The following RELN variants were observed in gnomAD, a reference collection of about 807,000 sequenced individuals.
The protein encoded by RELN is reelin.
In RELN, 108 loss-of-function variants were observed where a neutral mutation model predicts 427.6. The ratio of observed to expected loss-of-function variants is 0.25; its 90% CI spans 0.22 to 0.30. The LOEUF (loss-of-function observed/expected upper bound fraction) is 0.30. Among genes scored for constraint, RELN ranks in the 10% least tolerant of loss-of-function variants. The probability of loss-of-function intolerance (pLI) is 1.00; values close to 1 mark genes in which losing one functional copy is unlikely to be tolerated. For synonymous variants in RELN, 1,524 were observed against 1,513.4 expected, an observed-to-expected ratio of 1.01 and a Z score of -0.16; for missense variants, 3,715 against 4,302.8, an observed-to-expected ratio of 0.86 and a Z score of 3.82.
chr7:103,648,979 A>G (rs1039984792), intron 16 of RELN, among the ~76,000 whole-genome samples: 3 of 152,022 alleles, frequency 2.0e-5, no homozygotes, highest in Non-Finnish European at 4.4e-5. Flanking sequence ...ACTCTTAGAC[A>G]CTTTTGGTGG....
At chr7:103,567,136 T>C (rs972748852) in intron 31 of RELN, among the ~76,000 whole-genome samples, 1 of 152,222 alleles carries the variant, frequency 6.6e-6, no homozygotes, top group Non-Finnish European at 1.5e-5. Flanking sequence ...TCAATCTCCC[T>C]GGCAAAAAAT....
At chr7:103,509,548 A>G (rs915338391) in intron 51 of RELN, among the ~76,000 whole-genome samples, 9 of 152,196 alleles carry the variant, frequency 5.9e-5, no homozygotes, top group African/African-American at 2.2e-4. Flanking sequence ...AAACCATAAA[A>G]ACCCTAAAAG....
At chr7:103,743,886 T>C (rs1423227671) in intron 6 of RELN, among the ~76,000 whole-genome samples, 7 of 152,254 alleles carry the variant, frequency 4.6e-5, no homozygotes, top group African/African-American at 1.4e-4. Flanking sequence ...TACCCAGGAA[T>C]TGAATTCAGC....
chr7:103,710,231 T>A (rs771434257), intron 8 of RELN, among the ~76,000 whole-genome samples: 3 of 152,224 alleles, frequency 2.0e-5, no homozygotes, highest in Non-Finnish European at 2.9e-5. Context: ...TTGGTTAAGA[T>A]CCTGTCTCCA....
At chr7:103,890,302 C>T (rs1395478983) in intron 2 of RELN, among the ~76,000 whole-genome samples, 1 of 151,652 alleles carries the variant, frequency 6.6e-6, no homozygotes, top group Non-Finnish European at 1.5e-5. Flanking sequence ...AGAAGATTGT[C>T]ATTGGGATTC....
rs771201055 is a variant in RELN at position 103,635,437 on chromosome 7, T to C, written c.2453A>G (p.Tyr818Cys). The C allele has an allele frequency of 1.5e-5, 24 of 1,613,858 alleles. No individual in the cohort carries two copies. The highest frequency in any genetic ancestry group is 6.7e-5 in the Admixed American group (4 of 59,990). Residue 818 changes from tyrosine (Y) to cysteine (C), a missense_variant, in exon 19 of 65, where the codon TAT becomes TGT. By Grantham distance (194) the Tyr-to-Cys change is radical. Coordinates refer to ENST00000428762, the MANE Select transcript of RELN (RefSeq NM_005045.4). ...CTTTCCAACATACCTGGGCTCATGATAGCTGAGATATGAATAATGCTCCAG... is the reference window on the plus strand; with the variant it reads ...CTTTCCAACATACCTGGGCTCATGACAGCTGAGATATGAATAATGCTCCAG... Reference protein sequence around the residue: ...KLLEHYSYLSYHEPRIISVEL... With the variant: ...KLLEHYSYLSCHEPRIISVEL...
intron 2 of RELN, among the ~76,000 whole-genome samples, chr7:103,838,199 A>T: frequency 9.4e-6 from 1 of 105,828 alleles, no homozygotes; most frequent in East Asian, 2.6e-4. Context: ...ACAGAGCGAG[A>T]CTTCGTCTCA....
chr7:103,495,261 T>C (rs1032918497), intron 57 of RELN, among the ~76,000 whole-genome samples: 1 of 150,762 alleles, frequency 6.6e-6, no homozygotes, highest in Non-Finnish European at 1.5e-5. Context: ...GTTTCAGCGA[T>C]TATTATTTCT....
chr7:103,869,350 T>C (rs1794273622), intron 2 of RELN, among the ~76,000 whole-genome samples: 1 of 152,092 alleles, frequency 6.6e-6, no homozygotes, highest in African/African-American at 2.4e-5. Context: ...TGCTCTTCTT[T>C]ATACCTTTTT....
At chr7:103,828,776 T>C (rs1019441084) in intron 3 of RELN, among the ~76,000 whole-genome samples, 2 of 151,958 alleles carry the variant, frequency 1.3e-5, no homozygotes, top group African/African-American at 4.8e-5. Context: ...TTTGAATGAA[T>C]TCAATAATAT....
In RELN at chr7:103,482,513, C is replaced by T. The variant is rs1382053451; in HGVS notation, c.10280+360G>A. 2.0e-5 allele frequency among the ~76,000 whole-genome samples: 3 copies of T among 152,362 alleles called. No individual in the cohort carries two copies. The East Asian group carries it at 5.8e-4, about 29-fold the overall frequency. On this transcript the variant is annotated intron_variant, in intron 63 of 64. Coordinates refer to ENST00000428762, the MANE Select transcript of RELN (RefSeq NM_005045.4). ...GTAACACTTCAGACACTGCCCACTA[C>T]AGATCCTTCCTCTTCAAGGATGTCA... is the stretch of plus-strand genomic sequence containing the variant.
At chr7:103,784,548 G>T (rs1791969773) in intron 3 of RELN, among the ~76,000 whole-genome samples, 1 of 152,038 alleles carries the variant, frequency 6.6e-6, no homozygotes, top group Non-Finnish European at 1.5e-5. Flanking sequence ...AATTTTCCTG[G>T]TTTTTCCTGG....
intron 8 of RELN, among the ~76,000 whole-genome samples, chr7:103,710,661 C>T (rs551135374): frequency 6.6e-6 from 1 of 152,344 alleles, no homozygotes; most frequent in African/African-American, 2.4e-5. Context: ...TATTAAGCAT[C>T]AACTCTGATC....
intron 31 of RELN, among the ~76,000 whole-genome samples, chr7:103,567,958 G>C (rs1172806621): frequency 6.6e-6 from 1 of 151,770 alleles, no homozygotes; most frequent in Non-Finnish European, 1.5e-5. Flanking sequence ...CACCTCGCTC[G>C]GCTAATTTTT....
At chr7:103,530,116 T>A (rs568164826) in intron 46 of RELN, among the ~76,000 whole-genome samples, 1 of 152,246 alleles carries the variant, frequency 6.6e-6, no homozygotes, top group Non-Finnish European at 1.5e-5. Context: ...GCCTCTGAAG[T>A]TCATTATCTT....
intron 2 of RELN, among the ~76,000 whole-genome samples, chr7:103,855,638 T>C (rs1256879434): frequency 1.3e-5 from 2 of 152,196 alleles, no homozygotes; most frequent in Non-Finnish European, 2.9e-5. Context: ...TAAAGCAACA[T>C]AAATGTATTG....
At chr7:103,961,386 A>G (rs1191392534) in intron 1 of RELN, among the ~76,000 whole-genome samples, 1 of 150,602 alleles carries the variant, frequency 6.6e-6, no homozygotes, top group African/African-American at 2.5e-5. Flanking sequence ...AAGACTGATG[A>G]ATTTAGTTTT....
At chr7:103,689,598 C>A (rs1833832804) in intron 10 of RELN, among the ~76,000 whole-genome samples, 1 of 152,034 alleles carries the variant, frequency 6.6e-6, no homozygotes, top group Non-Finnish European at 1.5e-5. Flanking sequence ...CGTAAACAAA[C>A]AAAATGAAGC....
chr7:103,960,079 A>G (rs1796516501), intron 1 of RELN, among the ~76,000 whole-genome samples: 1 of 152,146 alleles, frequency 6.6e-6, no homozygotes, highest in Admixed American at 6.5e-5. Context: ...TTCTCAATTC[A>G]GCAGCCAGAA....
Sources: allele counts gnomAD v4.1 joint callset (sites outside exome capture counted in the v4.1 genomes callset), GRCh38; gene constraint gnomAD v4.1.1; transcripts MANE v1.5; gene names NCBI Gene and HGNC (gene_info 2026-07-23, HGNC 2026-07-21).